The following CFAP61 variants were observed in gnomAD, a reference collection of about 807,000 sequenced individuals.
The protein encoded by CFAP61 is cilia and flagella associated protein 61.
CFAP61 carries 107 observed loss-of-function variants against 135.6 expected under a neutral mutation model. The ratio of observed to expected loss-of-function variants is 0.79; its 90% CI spans 0.67 to 0.93. The LOEUF (loss-of-function observed/expected upper bound fraction) is 0.93. CFAP61 is among the 40% of genes least tolerant of loss of function. The pLI is 0.00. For missense variants in CFAP61, 1,507 were observed against 1,556.2 expected, an observed-to-expected ratio of 0.97 and a Z score of 0.53; for synonymous variants, 575 against 578.5, an observed-to-expected ratio of 0.99 and a Z score of 0.09.
At chr20:20,147,251 G>A (rs2051969694) in intron 9 of CFAP61, among the ~76,000 whole-genome samples, 1 of 152,072 alleles carries the variant, frequency 6.6e-6, no homozygotes, top group Non-Finnish European at 1.5e-5. Flanking sequence ...CTTTTCCTTT[G>A]GGTAGACACC....
chr20:20,297,000 C>T (rs2055684453), intron 24 of CFAP61, among the ~76,000 whole-genome samples: 1 of 152,076 alleles, frequency 6.6e-6, no homozygotes, highest in African/African-American at 2.4e-5. Context: ...CTTGAAGCAC[C>T]ATCCCCCAAC....
intron 23 of CFAP61, among the ~76,000 whole-genome samples, chr20:20,290,093 T>C (rs566078716): frequency 2.0e-5 from 3 of 152,306 alleles, no homozygotes; most frequent in East Asian, 3.9e-4. Flanking sequence ...GGCTACATTA[T>C]GGGATATCAT....
intron 20 of CFAP61, among the ~76,000 whole-genome samples, chr20:20,262,402 A>G (rs569962474): frequency 6.6e-6 from 1 of 152,324 alleles, no homozygotes; most frequent in African/African-American, 2.4e-5. Context: ...GAGAGGCCAC[A>G]TGTAGGTGTT....
intron 25 of CFAP61, among the ~76,000 whole-genome samples, chr20:20,330,645 G>A (rs1388848991): frequency 6.6e-6 from 1 of 152,120 alleles, no homozygotes; most frequent in East Asian, 1.9e-4. Context: ...GCCCAGACCA[G>A]CCACATTTTA....
At chr20:20,164,358 TA>T (rs2053648644) in intron 11 of CFAP61, 130 bp downstream of exon 11, 1 of 895,864 alleles carries the variant, frequency 1.1e-6, no homozygotes, top group Admixed American at 2.7e-5. Flanking sequence ...GGGAATTTTT[TA>T]AAACACAAAT....
intron 25 of CFAP61, among the ~76,000 whole-genome samples, chr20:20,321,592 A>C (rs1040700697): frequency 6.6e-6 from 1 of 152,178 alleles, no homozygotes; most frequent in Non-Finnish European, 1.5e-5. Flanking sequence ...AGGACAGACA[A>C]GGTAGGGAGA....
chr20:20,186,848 A>G (rs1329236560), intron 13 of CFAP61, among the ~76,000 whole-genome samples: 3 of 152,216 alleles, frequency 2.0e-5, no homozygotes, highest in Non-Finnish European at 2.9e-5. Context: ...GCATTGTCCC[A>G]TTGAGTAATA....
At chr20:20,290,243 C>T in intron 23 of CFAP61, 57 bp from the exon 24 acceptor site, 1 of 1,078,420 alleles carries the variant, frequency 9.3e-7, no homozygotes, top group Admixed American at 1.7e-5. Flanking sequence ...AATATGAGCT[C>T]TGTTACTCAC....
At position 20,348,846 on chromosome 20, in the gene CFAP61, G is replaced by C. The variant is rs1031881331; in HGVS notation, c.3513+6925G>C. On this transcript the variant is annotated intron_variant, in intron 26 of 26. Coordinates refer to ENST00000245957, the MANE Select transcript of CFAP61 (RefSeq NM_015585.4). ...CAATAGAAGGGAATGTCTCCAATCT[G>C]ACAAAGGATGTTTATGAAAAACCCA... 2.0e-5 allele frequency among the ~76,000 whole-genome samples: 3 copies of C among 147,218 alleles called. No individual in the cohort carries two copies. In the South Asian group the frequency reaches 6.4e-4, roughly 31 times the overall value.
intron 13 of CFAP61, among the ~76,000 whole-genome samples, chr20:20,174,926 TC>T (rs2054497161): frequency 6.6e-6 from 1 of 152,168 alleles, no homozygotes; most frequent in African/African-American, 2.4e-5. Context: ...CACAGGGCCT[TC>T]CCTTTCTGTC....
intron 6 of CFAP61, among the ~76,000 whole-genome samples, chr20:20,086,955 A>C (rs1158958355): frequency 6.6e-6 from 1 of 152,006 alleles, no homozygotes; most frequent in Non-Finnish European, 1.5e-5. Context: ...AGGCAAGGGG[A>C]TCAGAGCACT....
chr20:20,301,493 G>A (rs1169896071), intron 25 of CFAP61, among the ~76,000 whole-genome samples: 1 of 152,196 alleles, frequency 6.6e-6, no homozygotes, highest in Non-Finnish European at 1.5e-5. Context: ...TCCCCCAGCA[G>A]TGAATGAGAG....
chr20:20,053,868 C>T (rs1022421134), intron 1 of CFAP61, among the ~76,000 whole-genome samples: 2 of 152,004 alleles, frequency 1.3e-5, no homozygotes, highest in African/African-American at 4.8e-5. Flanking sequence ...ATTGATTTAC[C>T]AAATGAATCA....
At position 20,188,041 on chromosome 20, in the gene CFAP61, G is replaced by GAC. The variant is rs750340952; in HGVS notation, c.1497_1498insAC (p.Ala500ThrfsTer15). On this transcript the variant is annotated frameshift_variant, in exon 14 of 27. Coordinates refer to ENST00000245957, the MANE Select transcript of CFAP61 (RefSeq NM_015585.4). LOFTEE classifies it high-confidence loss of function. ...TGGAGGACTTAGACCGTTACAACAA[G>GAC]GCTCGCAAAGACCCTGTAAGTACCT... 2.5e-6 allele frequency: 4 copies of GAC among 1,614,160 alleles called. No individual in the cohort carries two copies. Among genetic ancestry groups the GAC allele is most frequent in the Non-Finnish European group, 3.4e-6 (4 of 1,180,012 alleles).
In CFAP61 at chr20:20,061,481, T is replaced by C. The variant is rs937141102; in HGVS notation, c.143+4685T>C. ...AGTCAAAGTATCAGGAAAAAAGATA[T>C]GCCACCCAAAATCTCACCCAAAATA... On this transcript the variant is annotated intron_variant, in intron 2 of 26. Transcript: ENST00000245957. Among the ~76,000 whole-genome samples the C allele has an allele frequency of 2.0e-5, 3 of 152,120 alleles. No individual in the cohort carries two copies. In the East Asian group the frequency reaches 5.8e-4, roughly 29 times the overall value.
intron 10 of CFAP61, among the ~76,000 whole-genome samples, chr20:20,160,335 C>G (rs1006166208): frequency 6.6e-6 from 1 of 152,186 alleles, no homozygotes; most frequent in Non-Finnish European, 1.5e-5. Flanking sequence ...GACAGATTCA[C>G]TGAACACTAA....
At chr20:20,059,573 G>A (rs1419447812) in intron 2 of CFAP61, among the ~76,000 whole-genome samples, 2 of 151,660 alleles carry the variant, frequency 1.3e-5, no homozygotes, top group Non-Finnish European at 2.9e-5. Context: ...AGCCGAGATC[G>A]CACCACTGCG....
intron 17 of CFAP61, among the ~76,000 whole-genome samples, chr20:20,210,440 A>G (rs542457510): frequency 6.6e-6 from 1 of 152,336 alleles, no homozygotes; most frequent in Admixed American, 6.5e-5. Context: ...ATCTGCCTGG[A>G]AACAAAACAG....
chr20:20,341,962 T>G, intron 26 of CFAP61, 41 bp downstream of exon 26: 1 of 1,383,140 alleles, frequency 7.2e-7, no homozygotes, highest in South Asian at 1.2e-5. Context: ...TCCTTGCAAA[T>G]TATAAGCAGC....
Sources: gnomAD v4.1 joint callset for allele counts (sites outside exome capture counted in the v4.1 genomes callset) on GRCh38, gnomAD v4.1.1 for gene constraint, MANE v1.5 for transcripts, NCBI Gene and HGNC (gene_info 2026-07-23, HGNC 2026-07-21) for gene names.